ZSCAN1: variants seen among roughly 807,000 people sequenced by gnomAD.
The protein encoded by ZSCAN1 is zinc finger and SCAN domain-containing protein 1.
Under a neutral mutation model 23.8 loss-of-function variants are expected in ZSCAN1, and 23 were observed. The observed-to-expected ratio is 0.97, with a 90% CI of 0.70 to 1.37. The LOEUF (loss-of-function observed/expected upper bound fraction) is 1.37. Among genes scored for constraint, ZSCAN1 ranks in the 40% most tolerant of loss-of-function variants. ZSCAN1 has a pLI of 0.00. For missense variants in ZSCAN1, 575 were observed against 554.0 expected, an observed-to-expected ratio of 1.04 and a Z score of -0.38; for synonymous variants, 236 against 232.3, an observed-to-expected ratio of 1.02 and a Z score of -0.15.
At position 58,034,147 on chromosome 19, in the gene ZSCAN1, C is replaced by T. The variant is rs1410472248; in HGVS notation, c.-166C>T. ...CATGACCGAGTGGCCCAGGCCCGAG[C>T]GAAGCCCGCGCGCGGTGAGTCCGCC... On this transcript the variant is annotated 5_prime_UTR_variant, in exon 1 of 6. An upstream open reading frame in the 5' UTR gains an earlier in-frame stop. Coordinates refer to ENST00000282326, the MANE Select transcript of ZSCAN1 (RefSeq NM_182572.4). 6.6e-6 allele frequency: 1 copy of T among 150,930 alleles called. No individual in the cohort carries two copies. The highest frequency in any genetic ancestry group is 2.1e-4 in the South Asian group (1 of 4,822). 9.3% of individuals were successfully genotyped at this position (150,930 alleles called of 1,614,324 possible).
intron 4 of ZSCAN1, among the ~76,000 whole-genome samples, chr19:58,051,615 A>C (rs1461647569): frequency 6.6e-6 from 1 of 152,216 alleles, no homozygotes; most frequent in African/African-American, 2.4e-5. Flanking sequence ...CACTCAAGAC[A>C]GACCTTGTCA....
At chr19:58,035,530 T>G (rs1370694283) in intron 1 of ZSCAN1, 2 of 151,856 alleles carry the variant, frequency 1.3e-5, no homozygotes, top group Admixed American at 6.6e-5. Context: ...CCTGAGAGAG[T>G]ATAAGGTCTG....
In ZSCAN1 at chr19:58,038,080, G is replaced by A. The variant is rs2073753161; in HGVS notation, c.244G>A (p.Val82Met). The A allele has an allele frequency of 1.2e-6, 2 of 1,611,630 alleles. No individual in the cohort carries two copies. The highest frequency in any genetic ancestry group is 2.7e-5 in the African/African-American group (2 of 74,910). ...RSKEQMLELL[V>M]LEQFLGALPS... ...CAAGGAGCAGATGCTGGAGCTGCTG[G>A]TGCTGGAGCAGTTCCTGGGCGCGCT... is the stretch of plus-strand genomic sequence containing the variant. Residue 82 changes from valine (V) to methionine (M), a missense_variant, in exon 3 of 6, where the codon GTG becomes ATG. Coordinates refer to ENST00000282326, the MANE Select transcript of ZSCAN1 (RefSeq NM_182572.4).
intron 4 of ZSCAN1, chr19:58,044,487 C>G: frequency 2.6e-6 from 1 of 386,206 alleles, no homozygotes; most frequent in Non-Finnish European, 4.6e-6. Flanking sequence ...TCCGCACGGA[C>G]GGCGCCTGAG....
rs371329143 is a variant in ZSCAN1, at chr19:58,040,575, T to C, written c.465+31T>C. 2 of 1,605,614 alleles carry C rather than the reference T, an allele frequency of 1.2e-6. No individual in the cohort carries two copies. The highest frequency in any genetic ancestry group is 2.2e-5 in the South Asian group (2 of 90,926). On this transcript the variant is annotated intron_variant, in intron 4 of 5. Transcript: ENST00000282326. This position sits in a 1 kb window ranked among gnomAD's most constrained non-coding sequence, Gnocchi z 5.8. The stretch of plus-strand genomic sequence containing the variant: ...CCCGGGGCCCCCAGCTCCGTGCTCC[T>C]GCACCCCAGGGCATGCGTGCCGCTT...
chr19:58,036,473 G>A lies in ZSCAN1; in HGVS notation c.-110+462G>A, dbSNP rs138542202. On this transcript the variant is annotated intron_variant, in intron 2 of 5. Transcript: ENST00000282326. Reference sequence around the variant, plus strand: ...CTTCAGTTATATGTTCACCATAGTCGGCTTGGAAAATGTACAAAAGGTAAC... The same window carrying A: ...CTTCAGTTATATGTTCACCATAGTCAGCTTGGAAAATGTACAAAAGGTAAC... Among the ~76,000 whole-genome samples the A allele has an allele frequency of 6.6e-5, 10 of 151,428 alleles. No homozygotes were observed. In the East Asian group the frequency reaches 1.3e-3, roughly 20 times the overall value.
Position 58,053,954 on chromosome 19 carries a change from A to G in ZSCAN1, c.1130A>G (p.Lys377Arg). 2 of 1,611,352 alleles carry G rather than the reference A, an allele frequency of 1.2e-6. No individual in the cohort carries two copies. The highest frequency in any genetic ancestry group is 1.1e-5 in the South Asian group (1 of 90,840). The change falls in exon 6 of 6, where the codon AAA (lysine) becomes AGA (arginine). Residue 377 changes from lysine to arginine, a missense_variant. Physicochemically the swap from Lys to Arg is conservative, Grantham distance 26. Transcript: ENST00000282326. This position sits in a 1 kb window ranked among gnomAD's most constrained non-coding sequence, Gnocchi z 5.8. ...GGCCCAGTGGCCCCTCGCAGCCCCA[A>G]AAGACCCTTCCAGTGTAGCGTCTGC... ...AQGPVAPRSP[K>R]RPFQCSVCGK...
intron 4 of ZSCAN1, chr19:58,046,419 C>T: frequency 1.2e-6 from 1 of 866,290 alleles, no homozygotes; most frequent in Non-Finnish European, 2.0e-6. Flanking sequence ...TCGGGCAGAT[C>T]AACGGCTTGA....
chr19:58,040,607 C>T lies in ZSCAN1; in HGVS notation c.465+63C>T, dbSNP rs1307238055. On this transcript the variant is annotated intron_variant, in intron 4 of 5. Coordinates refer to ENST00000282326, the MANE Select transcript of ZSCAN1 (RefSeq NM_182572.4). This position sits in a 1 kb window ranked among gnomAD's most constrained non-coding sequence, Gnocchi z 5.8. ...CAGGGCATGCGTGCCGCTTCTGGGA[C>T]GGCCTCAAGGATGCCCCATCCAAGG... is the stretch of plus-strand genomic sequence containing the variant. 1.2e-5 allele frequency: 18 copies of T among 1,538,836 alleles called. No individual in the cohort carries two copies. The highest frequency in any genetic ancestry group is 5.0e-5 in the Admixed American group (3 of 59,628).
chr19:58,035,147 T>C (rs2073725807), intron 1 of ZSCAN1, among the ~76,000 whole-genome samples: 1 of 152,058 alleles, frequency 6.6e-6, no homozygotes, highest in East Asian at 2.0e-4. Flanking sequence ...CCTACCAAAG[T>C]AGACTTCTAG....
chr19:58,038,312 C>T (rs1184749377), intron 3 of ZSCAN1, 106 bp downstream of exon 3: 62 of 1,429,438 alleles, frequency 4.3e-5, no homozygotes, highest in Non-Finnish European at 5.6e-5. Flanking sequence ...CCTGCCCGGC[C>T]CCTCCCGACC....
intron 4 of ZSCAN1, among the ~76,000 whole-genome samples, chr19:58,048,026 T>C (rs968237079): frequency 2.0e-5 from 3 of 152,184 alleles, no homozygotes; most frequent in Non-Finnish European, 4.4e-5. Context: ...TTGGAAGACA[T>C]AGGAATGGCA....
rs2073748507 is a variant in ZSCAN1 at position 58,037,776 on chromosome 19, G to A, written c.-61G>A. 2.8e-6 allele frequency: 4 copies of A among 1,432,086 alleles called. No individual in the cohort carries two copies. Among genetic ancestry groups the A allele is most frequent in the Middle Eastern group, 2.6e-4 (1 of 3,882 alleles). The allele number at this position is 1,432,086 out of a possible 1,614,324, so 88.7% of individuals were successfully genotyped here. On this transcript the variant is annotated 5_prime_UTR_variant, in exon 3 of 6. Transcript: ENST00000282326. ...GCCTGCCACACCGGCTCTGTCCGGA[G>A]CCACTGGGACTCGGGATCCAGTCCA...
Position 58,045,192 on chromosome 19 carries a change from T to C in ZSCAN1, c.465+4648T>C. ...GGCGCGCAGGCAGTTGCTCCGGTTC[T>C]GTGCCGACCTCTTCCGCCTGGTGCC... On this transcript the variant is annotated intron_variant, in intron 4 of 5. Transcript: ENST00000282326. This position sits in a 1 kb window ranked among gnomAD's most constrained non-coding sequence, Gnocchi z 4.3. 1.1e-6 allele frequency: 1 copy of C among 909,960 alleles called. No individual in the cohort carries two copies. The highest frequency in any genetic ancestry group is 1.3e-5 in the South Asian group (1 of 76,644). 56.4% of individuals were successfully genotyped at this position (909,960 alleles called of 1,614,324 possible). A position where few individuals can be genotyped will look rare whatever the true frequency, so the allele number is the denominator to read the frequency against.
chr19:58,037,890 C>T lies in ZSCAN1; in HGVS notation c.54C>T (p.Thr18=), dbSNP rs372170384. The part of the protein sequence containing the change: ...PASPRRPQTP[T]PSEQDADPGP... ...CCCCCAGACGCCCCCAGACCCCAACCCCGAGTGAGCAGGACGCAGACCCTG... is the reference window on the plus strand; with the variant it reads ...CCCCCAGACGCCCCCAGACCCCAACTCCGAGTGAGCAGGACGCAGACCCTG... The change falls in exon 3 of 6, where the codon ACC becomes ACT. Residue 18 remains threonine, a synonymous_variant. Transcript: ENST00000282326. 23 of 1,579,288 alleles carry T rather than the reference C, an allele frequency of 1.5e-5. No individual in the cohort carries two copies. The highest frequency in any genetic ancestry group is 2.0e-5 in the Non-Finnish European group (23 of 1,167,118).
rs2073829438 is a variant in ZSCAN1 at position 58,046,823 on chromosome 19, T to C, written c.466-5667T>C. Reference sequence around the variant, plus strand: ...GCTGCACTGCCACCCTGGTGAGGGCTGTGAGAGCGATTTGCGGTGATTCTT... The same window carrying C: ...GCTGCACTGCCACCCTGGTGAGGGCCGTGAGAGCGATTTGCGGTGATTCTT... On this transcript the variant is annotated intron_variant, in intron 4 of 5. Transcript: ENST00000282326. 5 of 716,604 alleles carry C rather than the reference T, an allele frequency of 7.0e-6. No homozygotes were observed. The East Asian group carries it at 1.2e-4, about 18-fold the overall frequency. The allele number at this position is 716,604 out of a possible 1,614,324, so 44.4% of individuals were successfully genotyped here. A position where few individuals can be genotyped will look rare whatever the true frequency, so the allele number is the denominator to read the frequency against.
intron 4 of ZSCAN1, chr19:58,046,822 CTG>C: frequency 1.4e-6 from 1 of 717,476 alleles, no homozygotes; most frequent in Admixed American, 1.9e-5. Context: ...CTGGTGAGGG[CTG>C]TGAGAGCGAT....
rs966083123 is a variant in ZSCAN1, at chr19:58,053,911, C to G, written c.1087C>G (p.Pro363Ala). The G allele has an allele frequency of 1.5e-5, 25 of 1,613,218 alleles. No homozygotes were observed. The highest frequency in any genetic ancestry group is 2.0e-5 in the Non-Finnish European group (24 of 1,179,398). ...RSKGPRESVPPRDGAQGPVAP... is the reference protein window; with the variant it reads ...RSKGPRESVPARDGAQGPVAP... ...CAAGGGCCCCCGGGAGTCCGTCCCA[C>G]CCAGGGATGGAGCCCAGGGCCCAGT... Residue 363 changes from proline to alanine, a missense_variant, in exon 6 of 6, where the codon CCC becomes GCC. Transcript: ENST00000282326. This position sits in a 1 kb window ranked among gnomAD's most constrained non-coding sequence, Gnocchi z 5.8.
At chr19:58,035,682 T>C (rs2073729663) in intron 1 of ZSCAN1, among the ~76,000 whole-genome samples, 1 of 152,230 alleles carries the variant, frequency 6.6e-6, no homozygotes, top group African/African-American at 2.4e-5. Context: ...AAGACCAAGC[T>C]GGTAGTTTCC....
Sources: gnomAD v4.1 joint callset for allele counts (sites outside exome capture counted in the v4.1 genomes callset) on GRCh38, gnomAD v4.1.1 for gene constraint, Gnocchi (gnomAD v3.1) non-coding constraint, MANE v1.5 for transcripts, NCBI Gene and HGNC (gene_info 2026-07-23, HGNC 2026-07-21) for gene names.